BMP5: variants seen among roughly 807,000 people sequenced by gnomAD.
The protein encoded by BMP5 is bone morphogenetic protein 5.
Under a neutral mutation model 46.6 loss-of-function variants are expected in BMP5, and 23 were observed. The observed-to-expected ratio is 0.49, with a 90% CI of 0.35 to 0.70. The LOEUF is 0.70. Ranked by LOEUF, BMP5 falls within the 30% of genes least tolerant of loss-of-function variation. The pLI is 0.00. For synonymous variants in BMP5, 204 were observed against 191.9 expected (o/e 1.06, Z -0.52); for missense variants, 545 against 565.6 (o/e 0.96, Z 0.37).
chr6:55,857,650 A>G (rs1562074049), intron 1 of BMP5, among the ~76,000 whole-genome samples: 3 of 152,216 alleles, frequency 2.0e-5, no homozygotes, highest in Non-Finnish European at 4.4e-5. Flanking sequence ...TTGTGGGTAA[A>G]TGCATGCAAT....
chr6:55,816,986 A>G (rs574199980), intron 2 of BMP5, among the ~76,000 whole-genome samples: 1 of 152,128 alleles, frequency 6.6e-6, no homozygotes, highest in African/African-American at 2.4e-5. Flanking sequence ...CAGCCAACAG[A>G]CACATGAAAA....
At chr6:55,827,975 G>C (rs1344698307) in intron 1 of BMP5, among the ~76,000 whole-genome samples, 1 of 151,810 alleles carries the variant, frequency 6.6e-6, no homozygotes, top group Non-Finnish European at 1.5e-5. Context: ...GAAAAAATCT[G>C]TTCCTTTTAC....
intron 4 of BMP5, among the ~76,000 whole-genome samples, chr6:55,764,209 T>A (rs1399161026): frequency 6.6e-6 from 1 of 152,152 alleles, no homozygotes; most frequent in East Asian, 1.9e-4. Context: ...GCAACATAAG[T>A]GTCCATCAGT....
intron 3 of BMP5, 91 bp from the exon 4 acceptor site, chr6:55,774,334 A>C (rs1775120614): frequency 8.1e-7 from 1 of 1,238,902 alleles, no homozygotes; most frequent in Admixed American, 1.8e-5. Flanking sequence ...GAAAAGGGGA[A>C]AAGTTTTAAA....
intron 1 of BMP5, among the ~76,000 whole-genome samples, chr6:55,841,902 C>CAGAGAGAGAGAGAG (rs1274692640): frequency 7.6e-6 from 1 of 131,468 alleles, no homozygotes; most frequent in African/African-American, 3.2e-5. Flanking sequence ...CAGCCCATAA[C>CAGAGAGAGAGAGAG]AGAGAGAGAG....
intron 2 of BMP5, among the ~76,000 whole-genome samples, chr6:55,815,041 G>T (rs569931172): frequency 6.6e-6 from 1 of 150,750 alleles, no homozygotes; most frequent in African/African-American, 2.4e-5. Flanking sequence ...TCTGAGGCAG[G>T]AGTATCGCTT....
At chr6:55,799,650 C>T (rs539388852) in intron 2 of BMP5, among the ~76,000 whole-genome samples, 9 of 152,102 alleles carry the variant, frequency 5.9e-5, no homozygotes, top group African/African-American at 1.4e-4. Flanking sequence ...CAGGTACTTA[C>T]GCAAATTCTG....
At chr6:55,781,783 AT>A (rs911762585) in intron 3 of BMP5, among the ~76,000 whole-genome samples, 1 of 151,486 alleles carries the variant, frequency 6.6e-6, no homozygotes, top group Non-Finnish European at 1.5e-5. Context: ...AAGTTTTTGT[AT>A]TTTTTTAGTA....
In BMP5 at chr6:55,777,898, C is replaced by A; in HGVS notation, c.833-3655G>T. Among the ~76,000 whole-genome samples, 2 of 151,966 alleles carry A rather than the reference C, an allele frequency of 1.3e-5. 1 individual carries two copies. The highest frequency in any genetic ancestry group is 3.9e-4 in the East Asian group (2 of 5,168). The stretch of plus-strand genomic sequence containing the variant: ...ACTACTTTGGAACTTAGTTAACAGA[C>A]TGGCAGAAGTGGTGAACAAAGATTC... On this transcript the variant is annotated intron_variant, in intron 3 of 6. Coordinates refer to ENST00000370830, the MANE Select transcript of BMP5 (RefSeq NM_021073.4).
At chr6:55,823,993 T>C (rs997198038) in intron 1 of BMP5, among the ~76,000 whole-genome samples, 2 of 152,024 alleles carry the variant, frequency 1.3e-5, no homozygotes, top group African/African-American at 2.4e-5. Context: ...TTATAGCTTT[T>C]AATTTTGACA....
Position 55,756,946 on chromosome 6 carries a change from C to A in BMP5, c.1216-1264G>T, listed in dbSNP as rs540191831. ...CATGCTTTCCTCCGTCTTTTTGTTT[C>A]ATGTCCTTCACAGAACAAACATAAA... On this transcript the variant is annotated intron_variant, in intron 6 of 6. Transcript: ENST00000370830. Among the ~76,000 whole-genome samples, 11 of 151,920 alleles carry A rather than the reference C, an allele frequency of 7.2e-5. No homozygotes were observed. In the South Asian group the frequency reaches 2.3e-3, roughly 32 times the overall value.
chr6:55,782,312 G>A (rs917025701), intron 3 of BMP5, among the ~76,000 whole-genome samples: 9 of 152,132 alleles, frequency 5.9e-5, no homozygotes, highest in South Asian at 4.1e-4. Flanking sequence ...TAGTATTTGG[G>A]GCTTATTTTC....
intron 2 of BMP5, among the ~76,000 whole-genome samples, chr6:55,818,729 T>C (rs763176736): frequency 6.6e-6 from 1 of 152,006 alleles, no homozygotes; most frequent in Non-Finnish European, 1.5e-5. Context: ...AATCTAAACA[T>C]CAAGAACTGC....
intron 2 of BMP5, among the ~76,000 whole-genome samples, chr6:55,795,484 T>C (rs923501196): frequency 1.3e-5 from 2 of 152,106 alleles, no homozygotes; most frequent in Non-Finnish European, 2.9e-5. Flanking sequence ...CTGTGTTAAA[T>C]ACTATTTTAC....
intron 4 of BMP5, among the ~76,000 whole-genome samples, chr6:55,760,895 AG>A (rs1423111152): frequency 1.0e-5 from 1 of 99,090 alleles, no homozygotes. Flanking sequence ...TAATATATTG[AG>A]AGAGATTATA....
At chr6:55,757,202 A>T (rs190641231) in intron 6 of BMP5, among the ~76,000 whole-genome samples, 2 of 152,074 alleles carry the variant, frequency 1.3e-5, no homozygotes, top group Admixed American at 6.6e-5. Flanking sequence ...GTATTTGACA[A>T]AGGGTATTTT....
intron 1 of BMP5, among the ~76,000 whole-genome samples, chr6:55,825,656 A>C (rs1055927468): frequency 2.6e-5 from 4 of 151,896 alleles, no homozygotes; most frequent in African/African-American, 9.7e-5. Context: ...TTTATCACTA[A>C]TAGAAACTGG....
At chr6:55,762,973 C>T (rs1261723517) in intron 4 of BMP5, among the ~76,000 whole-genome samples, 1 of 152,052 alleles carries the variant, frequency 6.6e-6, no homozygotes, top group South Asian at 2.1e-4. Context: ...ATTTGAATTT[C>T]ATATGATTCC....
At chr6:55,873,003 C>A (rs1287451294) in intron 1 of BMP5, among the ~76,000 whole-genome samples, 1 of 151,758 alleles carries the variant, frequency 6.6e-6, no homozygotes. Context: ...GAAGAAAAGG[C>A]CTCCAGGACA....
Sources: allele counts gnomAD v4.1 joint callset (sites outside exome capture counted in the v4.1 genomes callset), GRCh38; gene constraint gnomAD v4.1.1; transcripts MANE v1.5; gene names NCBI Gene and HGNC (gene_info 2026-07-23, HGNC 2026-07-21).